GPR63: variants seen among roughly 807,000 people sequenced by gnomAD.
GPR63 encodes the protein probable G protein-coupled receptor 63.
In GPR63, 12 loss-of-function variants were observed where a neutral mutation model predicts 23.1. That is an observed-to-expected ratio of 0.52 (90% confidence interval 0.33 to 0.84). The LOEUF (loss-of-function observed/expected upper bound fraction) is 0.84. Among genes scored for constraint, GPR63 ranks in the 40% least tolerant of loss-of-function variants. The probability of loss-of-function intolerance (pLI) is 0.02; values close to 1 mark genes in which losing one functional copy is unlikely to be tolerated. For synonymous variants in GPR63, 172 were observed against 191.1 expected, an observed-to-expected ratio of 0.90 and a Z score of 0.82; for missense variants, 472 against 515.6, an observed-to-expected ratio of 0.92 and a Z score of 0.82.
Position 96,822,672 on chromosome 6 carries a change from C to T in GPR63, c.-151+14596G>A, listed in dbSNP as rs1291926229. ...ACAGTTGCTAAGCACCTGCTCTAAG[C>T]CAGCTTCTGACTAAGCACTGCTTAC... is the stretch of plus-strand genomic sequence containing the variant. On this transcript the variant is annotated intron_variant, in intron 1 of 1. Transcript: ENST00000229955. 2.0e-5 allele frequency among the ~76,000 whole-genome samples: 3 copies of T among 152,300 alleles called. No homozygotes were observed. The East Asian group carries it at 5.8e-4, about 29-fold the overall frequency.
At chr6:96,818,670 G>A (rs1264682057) in intron 1 of GPR63, among the ~76,000 whole-genome samples, 2 of 152,120 alleles carry the variant, frequency 1.3e-5, no homozygotes, top group Admixed American at 1.3e-4. Context: ...TTCCCACTAT[G>A]TTTTGAAATT....
At chr6:96,812,421 T>C (rs933353723) in intron 1 of GPR63, among the ~76,000 whole-genome samples, 1 of 152,138 alleles carries the variant, frequency 6.6e-6, no homozygotes, top group African/African-American at 2.4e-5. Flanking sequence ...CCTGTTACTT[T>C]TCCCCATAAA....
chr6:96,801,553 C>T (rs1050295565), intron 1 of GPR63, among the ~76,000 whole-genome samples: 4 of 152,180 alleles, frequency 2.6e-5, no homozygotes, highest in Non-Finnish European at 1.5e-5. Context: ...TTTACTAATG[C>T]ATGATGGGTA....
At position 96,795,173 on chromosome 6, in the gene GPR63, A is replaced by G. The variant is rs1268825555; in HGVS notation, c.*3299T>C. ...GTACTGTTAACAAGCTCCCTTGGGG[A>G]TGCTTAAACATGTATTAAAGTTTAA... On this transcript the variant is annotated 3_prime_UTR_variant, in exon 2 of 2. Transcript: ENST00000229955. 2 of 152,190 alleles carry G rather than the reference A, an allele frequency of 1.3e-5. No individual in the cohort carries two copies. The highest frequency in any genetic ancestry group is 2.9e-5 in the Non-Finnish European group (2 of 68,034). The allele number at this position is 152,190 out of a possible 1,614,324, so 9.4% of individuals were successfully genotyped here.
At chr6:96,812,245 T>C (rs918534770) in intron 1 of GPR63, among the ~76,000 whole-genome samples, 2 of 152,156 alleles carry the variant, frequency 1.3e-5, no homozygotes, top group African/African-American at 2.4e-5. Context: ...GAACCACAAG[T>C]AGTGTTCTAT....
At chr6:96,824,421 C>T (rs1430716776) in intron 1 of GPR63, among the ~76,000 whole-genome samples, 1 of 151,698 alleles carries the variant, frequency 6.6e-6, no homozygotes, top group African/African-American at 2.4e-5. Context: ...TAAAACAATC[C>T]CATTTCTACT....
At chr6:96,837,240 G>C (rs1183457010) in intron 1 of GPR63, 28 bp downstream of exon 1, 3 of 152,436 alleles carry the variant, frequency 2.0e-5, no homozygotes, top group Admixed American at 6.5e-5. Flanking sequence ...CGGGGATCGC[G>C]GGCCGGGGAT....
At chr6:96,811,567 T>G (rs1286379108) in intron 1 of GPR63, among the ~76,000 whole-genome samples, 1 of 152,200 alleles carries the variant, frequency 6.6e-6, no homozygotes, top group Non-Finnish European at 1.5e-5. Context: ...AGAATTTCAC[T>G]TGGTCCTACC....
chr6:96,834,275 A>G (rs1216950532), intron 1 of GPR63, among the ~76,000 whole-genome samples: 1 of 152,124 alleles, frequency 6.6e-6, no homozygotes, highest in Non-Finnish European at 1.5e-5. Flanking sequence ...CACACTTCAA[A>G]TCATTTGGAA....
Position 96,820,814 on chromosome 6 carries a change from C to T in GPR63, c.-151+16454G>A, listed in dbSNP as rs564572013. 2.0e-5 allele frequency among the ~76,000 whole-genome samples: 3 copies of T among 152,212 alleles called. No homozygotes were observed. In the South Asian group the frequency reaches 6.2e-4, roughly 32 times the overall value. Reference sequence around the variant, plus strand: ...TTCACAATTAGACATTTAATTTTTCCTTAATCTACCACAAATTTCCAAGGA... The same window carrying T: ...TTCACAATTAGACATTTAATTTTTCTTTAATCTACCACAAATTTCCAAGGA... On this transcript the variant is annotated intron_variant, in intron 1 of 1. Coordinates refer to ENST00000229955, the MANE Select transcript of GPR63 (RefSeq NM_030784.4).
At chr6:96,832,524 C>T (rs1034425325) in intron 1 of GPR63, among the ~76,000 whole-genome samples, 2 of 151,844 alleles carry the variant, frequency 1.3e-5, no homozygotes, top group Admixed American at 6.6e-5. Flanking sequence ...CCTCCCGCCT[C>T]GGCCTCCCAA....
At chr6:96,836,599 A>ATTT (rs35837304) in intron 1 of GPR63, among the ~76,000 whole-genome samples, 2 of 150,182 alleles carry the variant, frequency 1.3e-5, no homozygotes, top group Non-Finnish European at 1.5e-5. Context: ...ATGTTGTTGG[A>ATTT]TTTTTTTTTT....
intron 1 of GPR63, among the ~76,000 whole-genome samples, chr6:96,826,307 T>C (rs773482011): frequency 6.6e-6 from 1 of 152,116 alleles, no homozygotes; most frequent in Non-Finnish European, 1.5e-5. Context: ...AAGGAGCTGG[T>C]AATAACTTTC....
intron 1 of GPR63, among the ~76,000 whole-genome samples, chr6:96,812,464 C>T (rs1774067960): frequency 6.6e-6 from 1 of 152,090 alleles, no homozygotes; most frequent in African/African-American, 2.4e-5. Context: ...AGGAAGGGCT[C>T]TGGTTCAGAG....
chr6:96,811,227 C>T (rs1305663309), intron 1 of GPR63, among the ~76,000 whole-genome samples: 1 of 152,162 alleles, frequency 6.6e-6, no homozygotes, highest in Non-Finnish European at 1.5e-5. Flanking sequence ...ACGAGTGGCA[C>T]CACTATGAAA....
chr6:96,798,349 C>T lies in GPR63; in HGVS notation c.*123G>A. The stretch of plus-strand genomic sequence containing the variant: ...AACTATAATTACCATTCTTTCTTTA[C>T]ACTGCTCACACACATACATACACAA... On this transcript the variant is annotated 3_prime_UTR_variant, in exon 2 of 2. Transcript: ENST00000229955. 1 of 903,570 alleles carries T rather than the reference C, an allele frequency of 1.1e-6. No homozygotes were observed. Among genetic ancestry groups the T allele is most frequent in the South Asian group, 1.9e-5 (1 of 52,416 alleles). The allele number at this position is 903,570 out of a possible 1,614,324, so 56.0% of individuals were successfully genotyped here.
At chr6:96,809,815 G>C (rs1036517254) in intron 1 of GPR63, among the ~76,000 whole-genome samples, 1 of 152,172 alleles carries the variant, frequency 6.6e-6, no homozygotes, top group African/African-American at 2.4e-5. Flanking sequence ...GCAAGTCAGT[G>C]AACTTTCCTG....
chr6:96,798,339 T>C lies in GPR63; in HGVS notation c.*133A>G, dbSNP rs1773645848. The C allele has an allele frequency of 4.8e-6, 4 of 826,602 alleles. No homozygotes were observed. Among genetic ancestry groups the C allele is most frequent in the Non-Finnish European group, 7.4e-6 (4 of 540,734 alleles). The allele number at this position is 826,602 out of a possible 1,614,324, so 51.2% of individuals were successfully genotyped here. On this transcript the variant is annotated 3_prime_UTR_variant, in exon 2 of 2. Transcript: ENST00000229955. The stretch of plus-strand genomic sequence containing the variant: ...TTGGTAACAGAACTATAATTACCAT[T>C]CTTTCTTTACACTGCTCACACACAT...
intron 1 of GPR63, among the ~76,000 whole-genome samples, chr6:96,804,081 C>A (rs1033515092): frequency 6.6e-6 from 1 of 152,154 alleles, no homozygotes; most frequent in Non-Finnish European, 1.5e-5. Flanking sequence ...TCTACAGAAA[C>A]AATGCTGGGC....
Sources: allele counts gnomAD v4.1 joint callset (sites outside exome capture counted in the v4.1 genomes callset), GRCh38; gene constraint gnomAD v4.1.1; transcripts MANE v1.5; gene names NCBI Gene and HGNC (gene_info 2026-07-23, HGNC 2026-07-21).